The following JAM3 variants were observed in gnomAD, a reference collection of about 807,000 sequenced individuals.
JAM3 encodes the protein junctional adhesion molecule 3, also known as junctional adhesion molecule C.
JAM3 carries 31 observed loss-of-function variants against 39.4 expected under a neutral mutation model. The ratio of observed to expected loss-of-function variants is 0.79; its 90% CI spans 0.59 to 1.06. The LOEUF is 1.06. JAM3 is among the 50% of genes least tolerant of loss of function. The probability of loss-of-function intolerance (pLI) is 0.00; values close to 1 mark genes in which losing one functional copy is unlikely to be tolerated. For synonymous variants in JAM3, 182 were observed against 148.7 expected, an observed-to-expected ratio of 1.22 and a Z score of -1.63; for missense variants, 455 against 391.4, an observed-to-expected ratio of 1.16 and a Z score of -1.37.
At chr11:134,077,650 C>CTTTT (rs71038558) in intron 1 of JAM3, among the ~76,000 whole-genome samples, 3 of 102,044 alleles carry the variant, frequency 2.9e-5, no homozygotes, top group Admixed American at 1.1e-4. Context: ...TGGCTGGCGC[C>CTTTT]TTTTTTTTTT....
At chr11:134,112,927 A>G (rs1942345870) in intron 1 of JAM3, among the ~76,000 whole-genome samples, 1 of 152,196 alleles carries the variant, frequency 6.6e-6, no homozygotes, top group Non-Finnish European at 1.5e-5. Context: ...AGAAAGTTAT[A>G]TATGCTGTCT....
At position 134,122,220 on chromosome 11, in the gene JAM3, C is replaced by G. The variant is rs116737975; in HGVS notation, c.77-17631C>G. Among the ~76,000 whole-genome samples, 1,108 of 152,306 alleles carry G rather than the reference C, an allele frequency of 7.3e-3. 9 individuals are homozygous for G. Among genetic ancestry groups the G allele is most frequent in the African/African-American group, 0.025 (1,040 of 41,560 alleles). On this transcript the variant is annotated intron_variant, in intron 1 of 8. Coordinates refer to ENST00000299106, the MANE Select transcript of JAM3 (RefSeq NM_032801.5). ...CATCAGTGTGAGACAAGGTCCCGGT[C>G]TGTTCCTACTGGCCTAGCTGACGCT...
intron 1 of JAM3, among the ~76,000 whole-genome samples, chr11:134,110,510 AAAT>A (rs1252944969): frequency 6.6e-6 from 1 of 152,236 alleles, no homozygotes; most frequent in African/African-American, 2.4e-5. Flanking sequence ...ATGAATCTCA[AAAT>A]AATTATGCTG....
intron 1 of JAM3, among the ~76,000 whole-genome samples, chr11:134,105,352 C>G (rs1039113617): frequency 1.3e-5 from 2 of 152,130 alleles, no homozygotes; most frequent in African/African-American, 4.8e-5. Flanking sequence ...TGGGACGTAT[C>G]TCAAAATAAT....
intron 1 of JAM3, among the ~76,000 whole-genome samples, chr11:134,114,224 T>C (rs11223697): frequency 0.028 from 4,264 of 152,324 alleles, 72 homozygotes; most frequent in Non-Finnish European, 0.042. Flanking sequence ...CAATTTTGGC[T>C]TTTGTTGCTA....
At position 134,139,844 on chromosome 11, in the gene JAM3, C is replaced by A; in HGVS notation, c.77-7C>A. On this transcript the variant is annotated splice_region_variant and splice_polypyrimidine_tract_variant and intron_variant, in intron 1 of 8. Transcript: ENST00000299106. Reference sequence around the variant, plus strand: ...TGTCTCTGATTTTACTTTTCTTTCTCCTTCAGGCTGCCTGATAGGGGCTGT... The same window carrying A: ...TGTCTCTGATTTTACTTTTCTTTCTACTTCAGGCTGCCTGATAGGGGCTGT... 2 of 1,612,548 alleles carry A rather than the reference C, an allele frequency of 1.2e-6. No homozygotes were observed. Among genetic ancestry groups the A allele is most frequent in the Non-Finnish European group, 1.7e-6 (2 of 1,178,548 alleles).
intron 1 of JAM3, among the ~76,000 whole-genome samples, chr11:134,135,533 CCTTTTTTTTTTTT>C (rs1456961866): frequency 6.8e-6 from 1 of 148,054 alleles, no homozygotes; most frequent in South Asian, 2.2e-4. Flanking sequence ...TTTTATCTAT[CCTTTTTTTTTTTT>C]CTTTTTTTTG....
intron 1 of JAM3, among the ~76,000 whole-genome samples, chr11:134,088,188 T>C (rs1403768245): frequency 6.6e-6 from 1 of 152,190 alleles, no homozygotes. Flanking sequence ...GCTTTCCCCT[T>C]AAATTCACAG....
intron 4 of JAM3, 106 bp from the exon 5 acceptor site, chr11:134,144,686 A>C: frequency 3.8e-6 from 4 of 1,047,928 alleles, no homozygotes; most frequent in Non-Finnish European, 5.9e-6. Flanking sequence ...GTGGCGTGGG[A>C]ACCCCTCGAC....
At chr11:134,079,470 A>G (rs1284348646) in intron 1 of JAM3, among the ~76,000 whole-genome samples, 1 of 152,210 alleles carries the variant, frequency 6.6e-6, no homozygotes, top group Non-Finnish European at 1.5e-5. Context: ...TGTGTGGACA[A>G]AAACCACCCA....
intron 1 of JAM3, among the ~76,000 whole-genome samples, chr11:134,078,466 C>T (rs536348984): frequency 2.6e-5 from 4 of 152,196 alleles, no homozygotes; most frequent in African/African-American, 9.6e-5. Context: ...AACACTCCTA[C>T]CCATCTTTCT....
At chr11:134,111,925 C>T (rs369632507) in intron 1 of JAM3, among the ~76,000 whole-genome samples, 1 of 152,154 alleles carries the variant, frequency 6.6e-6, no homozygotes, top group African/African-American at 2.4e-5. Context: ...AACACCTCAG[C>T]GATCTGAAGT....
intron 1 of JAM3, chr11:134,124,351 G>T (rs1471533317): frequency 4.9e-5 from 35 of 709,570 alleles, no homozygotes; most frequent in South Asian, 4.1e-4. Context: ...AAATGTGAGT[G>T]TGCGTGTGAG....
In JAM3 at chr11:134,097,163, A is replaced by G. The variant is rs1449671897; in HGVS notation, c.76+28004A>G. Among the ~76,000 whole-genome samples, 6 of 152,232 alleles carry G rather than the reference A, an allele frequency of 3.9e-5. No homozygotes were observed. The South Asian group carries it at 8.3e-4, about 21-fold the overall frequency. ...GCTGCTTAGGGTGAGGGGAAACACC[A>G]TGAGAGAGGAATGGCAATAGTGAAT... On this transcript the variant is annotated intron_variant, in intron 1 of 8. Transcript: ENST00000299106.
chr11:134,139,708 A>G (rs545324039), intron 1 of JAM3, 143 bp from the exon 2 acceptor site: 8 of 709,900 alleles, frequency 1.1e-5, no homozygotes, highest in African/African-American at 8.7e-5. Context: ...TGGCTTACCT[A>G]AGAGACTTTA....
chr11:134,149,517 C>T lies in JAM3; in HGVS notation c.*336C>T, dbSNP rs1200607913. 3 of 510,644 alleles carry T rather than the reference C, an allele frequency of 5.9e-6. No homozygotes were observed. The highest frequency in any genetic ancestry group is 5.7e-5 in the African/African-American group (3 of 52,328). 31.6% of individuals were successfully genotyped at this position (510,644 alleles called of 1,614,324 possible). On this transcript the variant is annotated 3_prime_UTR_variant, in exon 9 of 9. Transcript: ENST00000299106. ...CTCACGTAAACGCCCGTGCTGGGCCCTGTGAAGCCAGCATGTTCACCACTG... is the reference window on the plus strand; with the variant it reads ...CTCACGTAAACGCCCGTGCTGGGCCTTGTGAAGCCAGCATGTTCACCACTG...
At chr11:134,124,307 C>T (rs561797080) in intron 1 of JAM3, 22 of 829,866 alleles carry the variant, frequency 2.7e-5, no homozygotes, top group African/African-American at 2.2e-4. Flanking sequence ...AGGAAATCTC[C>T]ACAGGGGCTG....
chr11:134,146,543 T>C (rs1943075007), intron 6 of JAM3, among the ~76,000 whole-genome samples: 2 of 151,690 alleles, frequency 1.3e-5, no homozygotes, highest in South Asian at 2.1e-4. Flanking sequence ...TCCAAATCAC[T>C]TGGGGAGCTT....
chr11:134,105,479 A>C (rs567318350), intron 1 of JAM3, among the ~76,000 whole-genome samples: 41 of 152,282 alleles, frequency 2.7e-4, no homozygotes, highest in African/African-American at 9.9e-4. Context: ...CCTATTCAAC[A>C]TAGTGTTGGA....
Sources: allele counts gnomAD v4.1 joint callset (sites outside exome capture counted in the v4.1 genomes callset), GRCh38; gene constraint gnomAD v4.1.1; transcripts MANE v1.5; gene names NCBI Gene and HGNC (gene_info 2026-07-23, HGNC 2026-07-21).